The following IKZF2 variants were observed in gnomAD, a reference collection of about 807,000 sequenced individuals.
IKZF2 encodes the protein zinc finger protein Helios.
In IKZF2, 15 loss-of-function variants were observed where a neutral mutation model predicts 49.2. That is an observed-to-expected ratio of 0.30 (90% CI 0.20 to 0.47). The LOEUF is 0.47. Among genes scored for constraint, IKZF2 ranks in the 20% least tolerant of loss-of-function variants. The pLI is 1.00. For missense variants in IKZF2, 567 were observed against 664.6 expected (o/e 0.85, Z 1.61); for synonymous variants, 227 against 221.4 (o/e 1.03, Z -0.23).
intron 6 of IKZF2, among the ~76,000 whole-genome samples, chr2:213,048,136 C>T (rs1700341712): frequency 6.6e-6 from 1 of 152,062 alleles, no homozygotes; most frequent in African/African-American, 2.4e-5. Context: ...GATGCCCCCT[C>T]TCCAATAGGG....
rs1553539367 is a variant in IKZF2, at chr2:213,005,194, G to GGGC, written c.*2165_*2166insGCC. On this transcript the variant is annotated 3_prime_UTR_variant, in exon 9 of 9. Transcript: ENST00000434687. ...TTATTATTTGGGAGTGGTTGGGTGG[G>GGGC]GGGGGGTGAGCGAGTCTCAAAAACA... The GGGC allele has an allele frequency of 7.5e-6, 1 of 133,248 alleles. No individual in the cohort carries two copies. Among genetic ancestry groups the GGGC allele is most frequent in the Non-Finnish European group, 1.6e-5 (1 of 61,490 alleles). The allele number at this position is 133,248 out of a possible 1,614,324, so 8.3% of individuals were successfully genotyped here. A position where few individuals can be genotyped will look rare whatever the true frequency, so the allele number is the denominator to read the frequency against.
At chr2:213,093,668 G>C (rs1705614841) in intron 4 of IKZF2, among the ~76,000 whole-genome samples, 1 of 152,142 alleles carries the variant, frequency 6.6e-6, no homozygotes, top group Non-Finnish European at 1.5e-5. Flanking sequence ...CTGCTGTAGA[G>C]CAAGCTTAGT....
At chr2:213,020,524 T>TA (rs1697095517) in intron 7 of IKZF2, among the ~76,000 whole-genome samples, 2 of 151,994 alleles carry the variant, frequency 1.3e-5, no homozygotes, top group Non-Finnish European at 2.9e-5. Flanking sequence ...TCAGCCCAGG[T>TA]AATGCAAGCT....
At chr2:213,085,481 C>T (rs1704476573) in intron 4 of IKZF2, among the ~76,000 whole-genome samples, 1 of 152,104 alleles carries the variant, frequency 6.6e-6, no homozygotes, top group Admixed American at 6.5e-5. Context: ...CTTTATTCAC[C>T]ATGATCTTAT....
chr2:213,112,597 A>C (rs550516629), intron 4 of IKZF2, among the ~76,000 whole-genome samples: 19 of 151,778 alleles, frequency 1.3e-4, no homozygotes, highest in Admixed American at 6.6e-5. Flanking sequence ...GCATAGCTAA[A>C]ATTACAGGTG....
At chr2:213,063,996 G>GGATGCAT (rs1675051987) in intron 4 of IKZF2, among the ~76,000 whole-genome samples, 2 of 151,916 alleles carry the variant, frequency 1.3e-5, no homozygotes, top group Non-Finnish European at 2.9e-5. Flanking sequence ...TATCAAAACT[G>GGATGCAT]GGATGCATGT....
At chr2:213,106,407 G>A (rs983219626) in intron 4 of IKZF2, among the ~76,000 whole-genome samples, 6 of 151,848 alleles carry the variant, frequency 4.0e-5, no homozygotes, top group Non-Finnish European at 7.4e-5. Context: ...GGGAGGCCGC[G>A]GCTGGAGAAT....
intron 4 of IKZF2, among the ~76,000 whole-genome samples, chr2:213,146,191 T>C (rs1024478446): frequency 6.6e-6 from 1 of 152,092 alleles, no homozygotes; most frequent in Non-Finnish European, 1.5e-5. Flanking sequence ...CTTTAGGAAA[T>C]TGTGTGAGTT....
rs779917276 is a variant in IKZF2 at position 213,148,618 on chromosome 2, C to T, written c.12G>A (p.Glu4=). Residue 4 remains glutamate (E), a synonymous_variant, in exon 3 of 9, where the codon GAG becomes GAA. Coordinates refer to ENST00000434687, the MANE Select transcript of IKZF2 (RefSeq NM_001387220.1). MET[E]AIDGYITCDN... ...TACACGTTATATAGCCATCAATAGC[C>T]TCTGTTTCCATAGTCAAAGTGCAAT... 6.2e-7 allele frequency: 1 copy of T among 1,612,144 alleles called. No individual in the cohort carries two copies. Among genetic ancestry groups the T allele is most frequent in the Non-Finnish European group, 8.5e-7 (1 of 1,178,532 alleles).
intron 4 of IKZF2, among the ~76,000 whole-genome samples, chr2:213,141,294 T>TG (rs1273277739): frequency 6.6e-6 from 1 of 152,006 alleles, no homozygotes; most frequent in Non-Finnish European, 1.5e-5. Flanking sequence ...GCCTAGAGAC[T>TG]GGTCCCCATC....
intron 4 of IKZF2, among the ~76,000 whole-genome samples, chr2:213,140,658 G>C (rs1262510628): frequency 6.6e-6 from 1 of 151,800 alleles, no homozygotes; most frequent in African/African-American, 2.4e-5. Flanking sequence ...ATGTTGAAGA[G>C]CTTTTTGTTT....
intron 6 of IKZF2, among the ~76,000 whole-genome samples, chr2:213,048,148 C>G (rs1174796010): frequency 6.6e-6 from 1 of 152,008 alleles, no homozygotes; most frequent in Non-Finnish European, 1.5e-5. Flanking sequence ...CCAATAGGGA[C>G]TCCATTAAAC....
At position 213,102,676 on chromosome 2, in the gene IKZF2, A is replaced by AG. The variant is rs138756556; in HGVS notation, c.139+45031dup. On this transcript the variant is annotated intron_variant, in intron 4 of 8. Coordinates refer to ENST00000434687, the MANE Select transcript of IKZF2 (RefSeq NM_001387220.1). ...AAGACCAAATATAACATTTAAAGGA[A>AG]GGGGGGGGGTCTCAATTCTATTGAA... Among the ~76,000 whole-genome samples the AG allele has an allele frequency of 1.0e-2, 1,495 of 150,114 alleles. 9 individuals carry two copies. The highest frequency in any genetic ancestry group is 0.016 in the East Asian group (84 of 5,118).
At chr2:213,026,479 T>C (rs1249116940) in intron 6 of IKZF2, among the ~76,000 whole-genome samples, 1 of 152,212 alleles carries the variant, frequency 6.6e-6, no homozygotes, top group African/African-American at 2.4e-5. Flanking sequence ...CCGAAGAGTT[T>C]AGCAGGGTGC....
chr2:213,088,128 T>C (rs1034248484), intron 4 of IKZF2, among the ~76,000 whole-genome samples: 2 of 152,212 alleles, frequency 1.3e-5, no homozygotes, highest in East Asian at 1.9e-4. Flanking sequence ...AGCAACAGTG[T>C]AAAAGTGTTC....
At chr2:213,146,759 C>CGGGCG (rs1553604934) in intron 4 of IKZF2, among the ~76,000 whole-genome samples, 1 of 87,168 alleles carries the variant, frequency 1.1e-5, no homozygotes, top group Non-Finnish European at 2.6e-5. Flanking sequence ...ATTAAATCTT[C>CGGGCG]GGGGGGGGGG....
intron 5 of IKZF2, among the ~76,000 whole-genome samples, chr2:213,050,874 T>C (rs1700618714): frequency 6.6e-6 from 1 of 152,020 alleles, no homozygotes; most frequent in Admixed American, 6.6e-5. Flanking sequence ...TCACTAAAGA[T>C]ATACATGAAA....
chr2:213,062,900 A>G (rs185375652), intron 4 of IKZF2, among the ~76,000 whole-genome samples: 1 of 152,182 alleles, frequency 6.6e-6, no homozygotes, highest in African/African-American at 2.4e-5. Context: ...TTAGGAAAAC[A>G]AAGTGCCTTC....
intron 4 of IKZF2, among the ~76,000 whole-genome samples, chr2:213,121,083 T>C (rs2060041473): frequency 6.6e-6 from 1 of 152,200 alleles, no homozygotes; most frequent in Non-Finnish European, 1.5e-5. Context: ...TCTGATTCTC[T>C]TTAAAGGAAA....
Sources: gnomAD v4.1 joint callset for allele counts (sites outside exome capture counted in the v4.1 genomes callset) on GRCh38, gnomAD v4.1.1 for gene constraint, MANE v1.5 for transcripts, NCBI Gene and HGNC (gene_info 2026-07-23, HGNC 2026-07-21) for gene names.